Variants in TPRA1 observed in about 807,000 individuals in gnomAD.
TPRA1 encodes transmembrane protein adipocyte-associated 1.
A neutral mutation model predicts 40.1 loss-of-function variants in TPRA1; 28 were observed. That is an observed-to-expected ratio of 0.70 (90% CI 0.52 to 0.96). The LOEUF is 0.96. Among genes scored for constraint, TPRA1 ranks in the 40% least tolerant of loss-of-function variants. The pLI, the probability that TPRA1 is intolerant of heterozygous loss-of-function variation, is 0.00. For missense variants in TPRA1, 441 were observed against 482.6 expected, an observed-to-expected ratio of 0.91 and a Z score of 0.81; for synonymous variants, 219 against 209.7, an observed-to-expected ratio of 1.04 and a Z score of -0.38.
intron 1 of TPRA1, among the ~76,000 whole-genome samples, chr3:127,582,340 A>T (rs1489040325): frequency 6.6e-6 from 1 of 151,588 alleles, no homozygotes; most frequent in Non-Finnish European, 1.5e-5. Flanking sequence ...CTGAGGAGGG[A>T]GGACTGCTTG....
At chr3:127,592,916 T>A (rs1010582913), upstream of TPRA1, among the ~76,000 whole-genome samples, 1 of 152,244 alleles carries the variant, frequency 6.6e-6, no homozygotes, top group Non-Finnish European at 1.5e-5. Context: ...GCTTCTGCTA[T>A]CTTGCTGGCA....
upstream of TPRA1, chr3:127,598,221 C>T (rs1361831009): frequency 1.0e-5 from 6 of 596,294 alleles, no homozygotes; most frequent in Non-Finnish European, 1.8e-5. Flanking sequence ...CACCACAGCG[C>T]AGGCGAGCGC....
chr3:127,594,074 TG>T (rs1161874733), upstream of TPRA1, among the ~76,000 whole-genome samples: 2 of 152,190 alleles, frequency 1.3e-5, no homozygotes, highest in Non-Finnish European at 2.9e-5. Flanking sequence ...ATGGAAAACT[TG>T]ATGAGACATA....
intron 1 of TPRA1, among the ~76,000 whole-genome samples, chr3:127,582,602 TGAGGCA>T (rs2073866446): frequency 6.7e-6 from 1 of 150,052 alleles, no homozygotes; most frequent in Non-Finnish European, 1.5e-5. Flanking sequence ...CTTGGAAGGC[TGAGGCA>T]GGAGAATGGC....
intron 1 of TPRA1, among the ~76,000 whole-genome samples, chr3:127,596,157 G>A (rs1375121696): frequency 2.0e-5 from 3 of 151,816 alleles, no homozygotes; most frequent in Admixed American, 6.6e-5. Context: ...TCGGCTCACC[G>A]CAACCTCCAC....
chr3:127,574,994 G>A, intron 10 of TPRA1, 191 bp downstream of exon 10: 1 of 635,052 alleles, frequency 1.6e-6, no homozygotes, highest in Non-Finnish European at 2.8e-6. Context: ...GCACATGTGG[G>A]TGGGTGTGCG....
At position 127,576,947 on chromosome 3, in the gene TPRA1, C is replaced by T; in HGVS notation, c.345+43G>A. On this transcript the variant is annotated intron_variant, in intron 4 of 10. Coordinates refer to ENST00000355552, the MANE Select transcript of TPRA1 (RefSeq NM_001136053.4). This position sits in a 1 kb window ranked among gnomAD's most constrained non-coding sequence, Gnocchi z 4.6. ...CTGGACCAGCATCCCCAGCCCACCCCAGGCCAGGCCTCCCTGGCCTCCCTC... is the reference window on the plus strand; with the variant it reads ...CTGGACCAGCATCCCCAGCCCACCCTAGGCCAGGCCTCCCTGGCCTCCCTC... 6 of 1,613,396 alleles carry T rather than the reference C, an allele frequency of 3.7e-6. No homozygotes were observed. Among genetic ancestry groups the T allele is most frequent in the Non-Finnish European group, 4.2e-6 (5 of 1,179,730 alleles).
In TPRA1 at chr3:127,572,277, G is replaced by A. The variant is rs1008521299; in HGVS notation, c.*1244C>T. Among the ~76,000 whole-genome samples, 1 of 152,150 alleles carries A rather than the reference G, an allele frequency of 6.6e-6. No homozygotes were observed. The highest frequency in any genetic ancestry group is 2.4e-5 in the African/African-American group (1 of 41,428). ...GAGGCGGGCAACAGCCTGATCCTCA[G>A]GGTCCCCACAGCCAGGGCTGAGACC... On this transcript the variant is annotated 3_prime_UTR_variant, in exon 11 of 11. Transcript: ENST00000355552.
In TPRA1 at chr3:127,575,798, C is replaced by G; in HGVS notation, c.621G>C (p.Leu207=). The G allele has an allele frequency of 6.2e-7, 1 of 1,613,946 alleles. No homozygotes were observed. The highest frequency in any genetic ancestry group is 8.5e-7 in the Non-Finnish European group (1 of 1,180,022). The change falls in exon 8 of 11, where the codon CTG becomes CTC. Residue 207 remains leucine (L), a synonymous_variant. Transcript: ENST00000355552. ...SSCFFFLVYS[L]VVILPKTPLK... ...GCGGGGTCTTGGGAAGGATGACCAC[C>G]AGAGAGTAGACCTACAGAGACAGGC...
rs897777273 is a variant in TPRA1, at chr3:127,585,416, G to A, written c.-18+4994C>T. Among the ~76,000 whole-genome samples the A allele has an allele frequency of 1.9e-4, 29 of 152,212 alleles. 1 individual carries two copies. The highest frequency in any genetic ancestry group is 5.9e-4 in the Admixed American group (9 of 15,282). On this transcript the variant is annotated intron_variant, in intron 1 of 10. Transcript: ENST00000355552. ...AAGTGCAACCAGAAGGGTGTTACAA[G>A]GAGTGAGAGGTCTGGTTTCCATGGG...
At chr3:127,592,367 GTTTTTTTTTTTTTTTTTT>G (rs746017013), upstream of TPRA1, among the ~76,000 whole-genome samples, 1 of 88,508 alleles carries the variant, frequency 1.1e-5, no homozygotes, top group South Asian at 4.1e-4. Flanking sequence ...GCAACATGCT[GTTTTTTTTTTTTTTTTTT>G]TTTTTTTTTT....
In TPRA1 at chr3:127,575,232, G is replaced by A. The variant is rs13087729; in HGVS notation, c.807C>T (p.Ser269=). The A allele has an allele frequency of 1.2e-6, 2 of 1,613,846 alleles. No individual in the cohort carries two copies. Among genetic ancestry groups the A allele is most frequent in the African/African-American group, 1.3e-5 (1 of 74,912 alleles). The change falls in exon 10 of 11, where the codon AGC becomes AGT. Residue 269 remains serine, a synonymous_variant. Transcript: ENST00000355552. The part of the protein sequence containing the change: ...CVDATTFLYF[S]FFAPLIYVAF... ...CCACGTAGATGAGCGGAGCGAAGAA[G>A]CTGAAGTACAGGAAGGTTGTGGCAT...
upstream of TPRA1, among the ~76,000 whole-genome samples, chr3:127,594,368 A>G (rs143987848): frequency 7.9e-5 from 12 of 152,322 alleles, no homozygotes; most frequent in East Asian, 2.1e-3. Flanking sequence ...AGAGGCATAC[A>G]TGGTGGGAAG....
chr3:127,590,037 C>T (rs1200518339), intron 1 of TPRA1, among the ~76,000 whole-genome samples: 1 of 152,224 alleles, frequency 6.6e-6, no homozygotes, highest in Non-Finnish European at 1.5e-5. Context: ...AGCACCTCGG[C>T]CGCTGCGGGC....
At chr3:127,580,965 A>T (rs574370037) in intron 1 of TPRA1, among the ~76,000 whole-genome samples, 1 of 152,306 alleles carries the variant, frequency 6.6e-6, no homozygotes, top group South Asian at 2.1e-4. Flanking sequence ...AGAGGTCCAC[A>T]TGACACTCTG....
rs764948347 is a variant in TPRA1 at position 127,579,794 on chromosome 3, A to T, written c.204T>A (p.Ala68=). 6.2e-7 allele frequency: 1 copy of T among 1,614,136 alleles called. No homozygotes were observed. The highest frequency in any genetic ancestry group is 2.2e-5 in the East Asian group (1 of 44,884). The change falls in exon 3 of 11, where the codon GCT becomes GCA. Residue 68 remains alanine (A), a synonymous_variant. Transcript: ENST00000355552. ...LIFLLWKLPS[A]RAKIRITSSP... is the part of the protein sequence containing the mutation. Reference sequence around the variant, plus strand: ...TGGAGGTGATGCGGATCTTCGCCCGAGCAGATGGAAGCTTCCAGAGCAGGA... The same window carrying T: ...TGGAGGTGATGCGGATCTTCGCCCGTGCAGATGGAAGCTTCCAGAGCAGGA...
chr3:127,575,003 C>T, intron 10 of TPRA1, 182 bp downstream of exon 10: 1 of 663,524 alleles, frequency 1.5e-6, no homozygotes, highest in Non-Finnish European at 2.6e-6. Flanking sequence ...GGTGGGTGTG[C>T]GTATATCTGT....
intron 8 of TPRA1, 94 bp from the exon 9 acceptor site, chr3:127,575,599 C>CG (rs2073584175): frequency 7.5e-6 from 11 of 1,459,818 alleles, no homozygotes; most frequent in African/African-American, 4.2e-5. Context: ...GTGTGTCCCC[C>CG]GGGGCCCCTC....
Position 127,576,518 on chromosome 3 carries a change from C to T in TPRA1, c.498+99G>A. The T allele has an allele frequency of 8.5e-7, 1 of 1,182,902 alleles. No individual in the cohort carries two copies. Among genetic ancestry groups the T allele is most frequent in the East Asian group, 2.6e-5 (1 of 38,680 alleles). The allele number at this position is 1,182,902 out of a possible 1,614,324, so 73.3% of individuals were successfully genotyped here. ...TCTCAGGTGCAAAGTTTTGAGAACT[C>T]TGAAGGTGATAAAGACTGGAAACCT... On this transcript the variant is annotated intron_variant, in intron 6 of 10. Coordinates refer to ENST00000355552, the MANE Select transcript of TPRA1 (RefSeq NM_001136053.4). This position sits in a 1 kb window ranked among gnomAD's most constrained non-coding sequence, Gnocchi z 4.6.
Sources: gnomAD v4.1 joint callset for allele counts (sites outside exome capture counted in the v4.1 genomes callset) on GRCh38, gnomAD v4.1.1 for gene constraint, Gnocchi (gnomAD v3.1) non-coding constraint, MANE v1.5 for transcripts, NCBI Gene and HGNC (gene_info 2026-07-23, HGNC 2026-07-21) for gene names.